DNAH17: variants seen among roughly 807,000 people sequenced by gnomAD.
The protein encoded by DNAH17 is axonemal beta dynein heavy chain 17.
A neutral mutation model predicts 485.6 loss-of-function variants in DNAH17; 376 were observed. That is an observed-to-expected ratio of 0.77 (90% CI 0.71 to 0.84). The LOEUF (loss-of-function observed/expected upper bound fraction) is 0.84. Among genes scored for constraint, DNAH17 ranks in the 40% least tolerant of loss-of-function variants. DNAH17 has a pLI of 0.00. For synonymous variants in DNAH17, 3,031 were observed against 2,405.9 expected (o/e 1.26, Z -7.60); for missense variants, 6,370 against 5,839.3 (o/e 1.09, Z -2.96).
Position 78,442,331 on chromosome 17 carries a change from C to A in DNAH17, c.11529-1132G>T, listed in dbSNP as rs372474726. On this transcript the variant is annotated intron_variant, in intron 71 of 80. Transcript: ENST00000389840. ...TGCCCTTGGGACTTTCTGGGGACACCTGGATCTGCTATTCCTTTCCCTGCA... is the reference window on the plus strand; with the variant it reads ...TGCCCTTGGGACTTTCTGGGGACACATGGATCTGCTATTCCTTTCCCTGCA... 7.2e-5 allele frequency among the ~76,000 whole-genome samples: 11 copies of A among 152,328 alleles called. 1 individual carries two copies. Among genetic ancestry groups the A allele is most frequent in the Middle Eastern group, 3.4e-3 (1 of 294 alleles).
chr17:78,489,621 C>T (rs691556), intron 44 of DNAH17: 25,440 of 152,212 alleles, frequency 0.17, 2,174 homozygotes, highest in East Asian at 0.21. Flanking sequence ...TCTGGGATGA[C>T]GCGTCCTGGG....
At position 78,450,855 on chromosome 17, in the gene DNAH17, G is replaced by T. The variant is rs201177823; in HGVS notation, c.10735-9C>A. On this transcript the variant is annotated splice_polypyrimidine_tract_variant and intron_variant, in intron 66 of 80. Transcript: ENST00000389840. Reference sequence around the variant, plus strand: ...GACTTGGTGAGGTTTGCCTGCAAGGGGAGGTGCAGGAGTCACTGCATTGCC... The same window carrying T: ...GACTTGGTGAGGTTTGCCTGCAAGGTGAGGTGCAGGAGTCACTGCATTGCC... The T allele has an allele frequency of 6.2e-7, 1 of 1,613,114 alleles. No homozygotes were observed. Among genetic ancestry groups the T allele is most frequent in the African/African-American group, 1.3e-5 (1 of 74,952 alleles).
chr17:78,428,374 A>G (rs2086553291), intron 77 of DNAH17, 151 bp downstream of exon 77: 2 of 925,510 alleles, frequency 2.2e-6, no homozygotes, highest in Admixed American at 2.0e-5. Flanking sequence ...TGCGGGCCAT[A>G]CCCCAGTGTT....
intron 71 of DNAH17, among the ~76,000 whole-genome samples, chr17:78,442,023 C>T (rs2087095259): frequency 1.3e-5 from 2 of 151,550 alleles, no homozygotes; most frequent in Non-Finnish European, 1.5e-5. Flanking sequence ...GCAGAGGTTG[C>T]AGTGAGGTGA....
At chr17:78,490,585 C>A in intron 44 of DNAH17, 114 bp downstream of exon 44, 1 of 1,420,234 alleles carries the variant, frequency 7.0e-7, no homozygotes. Flanking sequence ...CTGGTGAGGG[C>A]CTGATACACA....
Position 78,427,006 on chromosome 17 carries a change from C to T in DNAH17, c.12691G>A (p.Ala4231Thr), listed in dbSNP as rs775154419. The T allele has an allele frequency of 3.1e-6, 5 of 1,609,830 alleles. No individual in the cohort carries two copies. The highest frequency in any genetic ancestry group is 1.6e-4 in the Middle Eastern group (1 of 6,084). The change falls in exon 78 of 81, where the codon GCC becomes ACC. Residue 4231 changes from alanine (A) to threonine (T), a missense_variant. Ala to Thr is a moderately conservative substitution (Grantham distance 58). Transcript: ENST00000389840. ...AAEKTPYVVV[A>T]FQECERMNIL... ...TTCATTCTTTCACATTCTTGAAAGG[C>T]GACTACCACGTAGGGGGTCTTTTCC...
intron 54 of DNAH17, chr17:78,472,601 TC>T: frequency 2.7e-6 from 1 of 369,622 alleles, no homozygotes; most frequent in Non-Finnish European, 5.6e-6. Flanking sequence ...AAATAAAAAC[TC>T]CCCACCGCCT....
rs1458386418 is a variant in DNAH17 at position 78,479,486 on chromosome 17, C to A, written c.7899G>T (p.Leu2633=). 1 of 1,610,198 alleles carries A rather than the reference C, an allele frequency of 6.2e-7. No individual in the cohort carries two copies. ...AGGGGATGAGGCCAGCCAGCTTACCCAGGGCCGCGGCCACCAGCTGGCTGC... is the reference window on the plus strand; with the variant it reads ...AGGGGATGAGGCCAGCCAGCTTACCAAGGGCCGCGGCCACCAGCTGGCTGC... The part of the protein sequence containing the change: ...RISSQLVAAA[L]ALHQKITATF... The change falls in exon 50 of 81, where the codon CTG becomes CTT. Residue 2633 remains leucine, a splice_region_variant and synonymous_variant. Transcript: ENST00000389840.
At chr17:78,506,085 A>G (rs1051527874) in intron 30 of DNAH17, among the ~76,000 whole-genome samples, 2 of 151,400 alleles carry the variant, frequency 1.3e-5, no homozygotes, top group African/African-American at 4.9e-5. Flanking sequence ...CTTCTTGTGT[A>G]ACCTCTAACC....
chr17:78,456,647 G>A (rs1487873983), intron 62 of DNAH17, among the ~76,000 whole-genome samples: 3 of 152,204 alleles, frequency 2.0e-5, no homozygotes, highest in Non-Finnish European at 1.5e-5. Context: ...AACCCTCAGA[G>A]GCACACCACG....
chr17:78,574,948 A>G lies in DNAH17; in HGVS notation c.110T>C (p.Val37Ala). ...WSKLIGAEENVALFTEFFEKP... is the reference protein window; with the variant it reads ...WSKLIGAEENAALFTEFFEKP... ...TTCAAAGAACTCTGTGAACAGGGCC[A>G]CGTTCTCCTCGGCGCCTATCAGCTT... The change falls in exon 2 of 81, where the codon GTG becomes GCG. Residue 37 changes from valine (V) to alanine (A), a missense_variant. Physicochemically the swap from Val to Ala is moderately conservative, Grantham distance 64 (BLOSUM62 0). Coordinates refer to ENST00000389840, the MANE Select transcript of DNAH17 (RefSeq NM_173628.4). 2.5e-6 allele frequency: 4 copies of G among 1,613,990 alleles called. No homozygotes were observed. Among genetic ancestry groups the G allele is most frequent in the African/African-American group, 1.3e-5 (1 of 75,020 alleles).
intron 52 of DNAH17, 163 bp from the exon 53 acceptor site, chr17:78,475,996 C>T: frequency 1.4e-6 from 1 of 712,254 alleles, no homozygotes; most frequent in South Asian, 2.0e-5. Flanking sequence ...GCCCAGCAAA[C>T]CACTGGGGCA....
intron 10 of DNAH17, 38 bp from the exon 11 acceptor site, chr17:78,566,768 T>G: frequency 2.0e-6 from 3 of 1,527,760 alleles, no homozygotes; most frequent in Non-Finnish European, 2.7e-6. Context: ...GTAATCAGCG[T>G]GCAAAGCAAG....
chr17:78,433,701 C>T (rs1340685740), intron 75 of DNAH17, among the ~76,000 whole-genome samples: 3 of 152,082 alleles, frequency 2.0e-5, no homozygotes, highest in African/African-American at 7.2e-5. Context: ...GGGGAATCCT[C>T]ATCCAGGTGC....
In DNAH17 at chr17:78,425,756, C is replaced by CTTTTTTTTTTTTTTTT. The variant is rs71160294; in HGVS notation, c.12916-201_12916-186dup. ...TACCATGACGCAACTTTGGTGTCTG[C>CTTTTTTTTTTTTTTTT]TTTTTTTTTTTTTTTTTTTTTTTTT... is the stretch of plus-strand genomic sequence containing the variant. On this transcript the variant is annotated intron_variant, in intron 79 of 80. Coordinates refer to ENST00000389840, the MANE Select transcript of DNAH17 (RefSeq NM_173628.4). Among the ~76,000 whole-genome samples the CTTTTTTTTTTTTTTTT allele has an allele frequency of 9.1e-5, 11 of 120,740 alleles. 2 individuals are homozygous for CTTTTTTTTTTTTTTTT. The highest frequency in any genetic ancestry group is 4.2e-4 in the African/African-American group (11 of 26,232). The allele number at this position is 120,740 out of a possible 152,430, so 79.2% of individuals were successfully genotyped here.
chr17:78,478,886 CATT>C (rs2089226252), intron 51 of DNAH17, 136 bp downstream of exon 51: 1 of 693,152 alleles, frequency 1.4e-6, no homozygotes, highest in Non-Finnish European at 2.5e-6. Context: ...CCATCACCAC[CATT>C]ATTATCATCA....
rs753302374 is a variant in DNAH17, at chr17:78,467,343, C to T, written c.8779-527G>A. 7.9e-5 allele frequency among the ~76,000 whole-genome samples: 12 copies of T among 152,214 alleles called. No homozygotes were observed. The East Asian group carries it at 9.6e-4, about 12-fold the overall frequency. On this transcript the variant is annotated intron_variant, in intron 55 of 80. Coordinates refer to ENST00000389840, the MANE Select transcript of DNAH17 (RefSeq NM_173628.4). ...CTGCTCTTGCTCTCTAGTCCCCTTT[C>T]GTGGCATAGGTGTTGCACGGACGCT...
chr17:78,494,645 T>A lies in DNAH17; in HGVS notation c.6218A>T (p.Asp2073Val). ...DLPVFMGLIG[D>V]LFPALDVPRK... ...AGGCACGTCCAGAGCCGGGAAGAGG[T>A]CCCCGATCAGTCCCATGAATACGGG... Residue 2073 changes from aspartate to valine, a missense_variant, in exon 40 of 81, where the codon GAC becomes GTC. Physicochemically the swap from Asp to Val is radical, Grantham distance 152. Transcript: ENST00000389840. 1.2e-6 allele frequency: 2 copies of A among 1,613,770 alleles called. No individual in the cohort carries two copies. Among genetic ancestry groups the A allele is most frequent in the East Asian group, 2.2e-5 (1 of 44,876 alleles).
chr17:78,435,619 C>G (rs757273267), intron 74 of DNAH17, among the ~76,000 whole-genome samples: 8 of 152,218 alleles, frequency 5.3e-5, no homozygotes, highest in Non-Finnish European at 1.0e-4. Context: ...TTGCAAAATA[C>G]AATAAAACGA....
Sources: allele counts gnomAD v4.1 joint callset (sites outside exome capture counted in the v4.1 genomes callset), GRCh38; gene constraint gnomAD v4.1.1; transcripts MANE v1.5; gene names NCBI Gene and HGNC (gene_info 2026-07-23, HGNC 2026-07-21).